ANAPC10: variants seen among roughly 807,000 people sequenced by gnomAD.
ANAPC10 encodes the protein anaphase-promoting complex subunit 10.
Under a neutral mutation model 22.0 loss-of-function variants are expected in ANAPC10, and 12 were observed. The ratio of observed to expected loss-of-function variants is 0.55; its 90% CI spans 0.35 to 0.88. The LOEUF is 0.88. Ranked by LOEUF, ANAPC10 falls within the 40% of genes least tolerant of loss-of-function variation. The pLI is 0.01. For synonymous variants in ANAPC10, 65 were observed against 69.5 expected, an observed-to-expected ratio of 0.94 and a Z score of 0.32; for missense variants, 188 against 220.9, an observed-to-expected ratio of 0.85 and a Z score of 0.94.
chr4:145,007,952 G>C (rs1006581143), intron 4 of ANAPC10, among the ~76,000 whole-genome samples: 8 of 151,398 alleles, frequency 5.3e-5, no homozygotes, highest in African/African-American at 1.9e-4. Context: ...GACTAATAAA[G>C]AAGAAAAGAG....
At chr4:145,020,845 A>AT (rs1735866325) in intron 4 of ANAPC10, among the ~76,000 whole-genome samples, 1 of 151,988 alleles carries the variant, frequency 6.6e-6, no homozygotes, top group Non-Finnish European at 1.5e-5. Flanking sequence ...CTGCAAAAAA[A>AT]AAAATAAAAA....
intron 4 of ANAPC10, among the ~76,000 whole-genome samples, chr4:145,024,375 C>T (rs1246654476): frequency 1.3e-5 from 2 of 152,122 alleles, no homozygotes; most frequent in Non-Finnish European, 2.9e-5. Context: ...TTACTTTGCC[C>T]AGTTCCATCA....
rs775715216 is a variant in ANAPC10, at chr4:145,081,620, A to G, written c.206+40T>C. 6 of 1,261,260 alleles carry G rather than the reference A, an allele frequency of 4.8e-6. No homozygotes were observed. The South Asian group carries it at 7.9e-5, about 17-fold the overall frequency. The allele number at this position is 1,261,260 out of a possible 1,614,324, so 78.1% of individuals were successfully genotyped here. ...TAATAAAATAGATTTATTTGTCTAT[A>G]ACCTACAGTAGATGAAAAATTTGAA... On this transcript the variant is annotated intron_variant, in intron 3 of 4. Coordinates refer to ENST00000507656, the MANE Select transcript of ANAPC10 (RefSeq NM_001256706.2).
At chr4:145,010,276 G>C (rs1163616642) in intron 4 of ANAPC10, among the ~76,000 whole-genome samples, 1 of 152,060 alleles carries the variant, frequency 6.6e-6, no homozygotes, top group Non-Finnish European at 1.5e-5. Flanking sequence ...AATTCCTCAG[G>C]GATCTAGAAC....
intron 4 of ANAPC10, chr4:145,053,898 T>C (rs180918183): frequency 4.1e-6 from 2 of 493,626 alleles, no homozygotes; most frequent in Admixed American, 7.5e-5. Context: ...TTTCAGCTGA[T>C]TACTACTGTG....
intron 4 of ANAPC10, among the ~76,000 whole-genome samples, chr4:145,055,293 C>CA (rs1741882921): frequency 6.6e-6 from 1 of 152,194 alleles, no homozygotes; most frequent in Non-Finnish European, 1.5e-5. Flanking sequence ...TGAGGTAGCT[C>CA]AGGCCTGTAA....
intron 4 of ANAPC10, among the ~76,000 whole-genome samples, chr4:145,022,937 A>G (rs778878895): frequency 6.8e-4 from 104 of 152,108 alleles, no homozygotes; most frequent in Non-Finnish European, 1.1e-3. Flanking sequence ...GGTTTGTTAC[A>G]TATGTTTACA....
chr4:145,095,349 C>T (rs978403907), intron 2 of ANAPC10, among the ~76,000 whole-genome samples: 4 of 152,192 alleles, frequency 2.6e-5, no homozygotes, highest in Non-Finnish European at 5.9e-5. Flanking sequence ...TGCTCCATCC[C>T]ACCCAAGACA....
chr4:145,006,968 G>A (rs551453461), intron 4 of ANAPC10, among the ~76,000 whole-genome samples: 12 of 152,058 alleles, frequency 7.9e-5, no homozygotes, highest in African/African-American at 2.9e-4. Flanking sequence ...AACTGTCCAG[G>A]TCCATCACTT....
chr4:145,094,027 A>G (rs1748105582), intron 2 of ANAPC10, among the ~76,000 whole-genome samples: 1 of 152,214 alleles, frequency 6.6e-6, no homozygotes, highest in African/African-American at 2.4e-5. Flanking sequence ...TCCTGACACA[A>G]TTTGGAAGCG....
chr4:145,046,938 G>C (rs554482989), intron 4 of ANAPC10, among the ~76,000 whole-genome samples: 3 of 152,044 alleles, frequency 2.0e-5, no homozygotes, highest in Non-Finnish European at 4.4e-5. Flanking sequence ...GTACGAGTAA[G>C]GATAAAGCAA....
At chr4:145,066,317 C>CA (rs1367160847) in intron 3 of ANAPC10, among the ~76,000 whole-genome samples, 6 of 152,092 alleles carry the variant, frequency 3.9e-5, no homozygotes, top group Non-Finnish European at 8.8e-5. Flanking sequence ...CCAAAGGTAT[C>CA]AAACTGACAT....
intron 4 of ANAPC10, among the ~76,000 whole-genome samples, chr4:145,059,350 G>A (rs771502839): frequency 9.9e-5 from 15 of 152,048 alleles, no homozygotes; most frequent in African/African-American, 1.7e-4. Flanking sequence ...AGTAGAGAGC[G>A]AAAGGCCACA....
chr4:145,059,824 T>C (rs538009859), intron 4 of ANAPC10, among the ~76,000 whole-genome samples: 1 of 152,240 alleles, frequency 6.6e-6, no homozygotes, highest in South Asian at 2.1e-4. Context: ...TAAAATATAA[T>C]GTTCTTTGGT....
intron 4 of ANAPC10, among the ~76,000 whole-genome samples, chr4:145,054,541 AG>A (rs1430260467): frequency 4.7e-5 from 7 of 147,396 alleles, no homozygotes; most frequent in Non-Finnish European, 1.0e-4. Context: ...TGGGCAATGG[AG>A]AGAGACTCTA....
At chr4:145,022,366 G>A (rs546044933) in intron 4 of ANAPC10, among the ~76,000 whole-genome samples, 6 of 152,146 alleles carry the variant, frequency 3.9e-5, no homozygotes, top group East Asian at 1.9e-4. Context: ...CATTCGCAGC[G>A]ACCTGGATGA....
At chr4:145,023,368 T>C (rs898488418) in intron 4 of ANAPC10, among the ~76,000 whole-genome samples, 6 of 152,158 alleles carry the variant, frequency 3.9e-5, no homozygotes, top group African/African-American at 1.4e-4. Context: ...TCCTGCATGA[T>C]TTTGGTCTCT....
chr4:145,014,201 G>A (rs1036781904), intron 4 of ANAPC10, among the ~76,000 whole-genome samples: 2 of 152,034 alleles, frequency 1.3e-5, no homozygotes, highest in African/African-American at 4.8e-5. Context: ...CAAGTTCTCA[G>A]GTCTGCTTGC....
chr4:145,000,866 A>G (rs1732421633), intron 4 of ANAPC10, among the ~76,000 whole-genome samples: 1 of 152,140 alleles, frequency 6.6e-6, no homozygotes, highest in Non-Finnish European at 1.5e-5. Flanking sequence ...ATGCAGCCAT[A>G]AAAAAGGATG....
Sources: allele counts gnomAD v4.1 joint callset (sites outside exome capture counted in the v4.1 genomes callset), GRCh38; gene constraint gnomAD v4.1.1; transcripts MANE v1.5; gene names NCBI Gene and HGNC (gene_info 2026-07-23, HGNC 2026-07-21).